KLHL32: variants seen among roughly 807,000 people sequenced by gnomAD.
KLHL32 encodes kelch-like protein 32.
Under a neutral mutation model 64.8 loss-of-function variants are expected in KLHL32, and 35 were observed. The ratio of observed to expected loss-of-function variants is 0.54; its 90% CI spans 0.41 to 0.72. KLHL32 has a LOEUF of 0.72. Ranked by LOEUF, KLHL32 falls within the 30% of genes least tolerant of loss-of-function variation. KLHL32 has a pLI of 0.00. For missense variants in KLHL32, 589 were observed against 768.5 expected, an observed-to-expected ratio of 0.77 and a Z score of 2.76; for synonymous variants, 259 against 281.0, an observed-to-expected ratio of 0.92 and a Z score of 0.78.
chr6:97,059,525 A>G (rs1488189280), intron 4 of KLHL32, among the ~76,000 whole-genome samples: 1 of 152,214 alleles, frequency 6.6e-6, no homozygotes, highest in African/African-American at 2.4e-5. Flanking sequence ...ACTGGAATTC[A>G]TGTGTTTTAT....
intron 4 of KLHL32, among the ~76,000 whole-genome samples, chr6:97,058,770 T>C (rs990329890): frequency 5.9e-5 from 9 of 152,356 alleles, no homozygotes; most frequent in Non-Finnish European, 1.3e-4. Context: ...GGCAGCCAAT[T>C]TGAGACCATG....
the KLHL32 span, among the ~76,000 whole-genome samples, chr6:96,904,811 T>C: frequency 6.6e-6 from 1 of 152,248 alleles, no homozygotes; most frequent in Non-Finnish European, 1.5e-5. Context: ...ACAGATGTGA[T>C]TATGTACAGG....
intron 3 of KLHL32, among the ~76,000 whole-genome samples, chr6:97,037,537 C>CA (rs1324873117): frequency 3.3e-5 from 5 of 151,230 alleles, no homozygotes; most frequent in Non-Finnish European, 5.9e-5. Flanking sequence ...AAGATGATGC[C>CA]AAAAAAAGGG....
At chr6:97,083,914 C>T (rs771608788) in intron 5 of KLHL32, among the ~76,000 whole-genome samples, 3 of 152,262 alleles carry the variant, frequency 2.0e-5, no homozygotes, top group Middle Eastern at 3.4e-3. Flanking sequence ...CATGGTTTAA[C>T]CAAAAGGACA....
chr6:97,041,506 T>A lies in KLHL32; in HGVS notation c.219T>A (p.Leu73=). The A allele has an allele frequency of 6.2e-7, 1 of 1,612,890 alleles. No individual in the cohort carries two copies. Among genetic ancestry groups the A allele is most frequent in the Non-Finnish European group, 8.5e-7 (1 of 1,178,908 alleles). ...CCTCACCTCAGGCAATGTTCAGTCT[T>A]TGTATGGTGGAAAGTGGAGCTGATG... ...CSDYFRAMFS[L]CMVESGADEV... The change falls in exon 4 of 11, where the codon CTT becomes CTA. Residue 73 remains leucine (L), a synonymous_variant. Transcript: ENST00000369261.
intron 5 of KLHL32, among the ~76,000 whole-genome samples, chr6:97,079,809 G>A (rs954875507): frequency 5.9e-5 from 9 of 151,852 alleles, no homozygotes; most frequent in Non-Finnish European, 1.2e-4. Flanking sequence ...CCATAATTCT[G>A]AATAGAAACT....
intron 7 of KLHL32, among the ~76,000 whole-genome samples, chr6:97,123,581 T>G (rs898000144): frequency 6.6e-6 from 1 of 152,168 alleles, no homozygotes; most frequent in African/African-American, 2.4e-5. Context: ...TTACTTTCAC[T>G]GTGGCACTTC....
chr6:97,011,177 G>A (rs558457620), intron 3 of KLHL32, among the ~76,000 whole-genome samples: 1 of 152,168 alleles, frequency 6.6e-6, no homozygotes, highest in Non-Finnish European at 1.5e-5. Context: ...CCAAGTTCAC[G>A]TTAAATTCTA....
chr6:96,916,928 G>A, the KLHL32 span, among the ~76,000 whole-genome samples: 43 of 152,130 alleles, frequency 2.8e-4, no homozygotes, highest in South Asian at 8.7e-3. Context: ...TCAACCTATG[G>A]AAAAATGCAT....
intron 1 of KLHL32, among the ~76,000 whole-genome samples, chr6:96,939,654 T>C (rs1471021514): frequency 6.6e-6 from 1 of 151,960 alleles, no homozygotes; most frequent in Non-Finnish European, 1.5e-5. Context: ...CACAGTGGGG[T>C]GCAGAGAGCC....
At chr6:97,114,948 T>C (rs886155220) in intron 7 of KLHL32, among the ~76,000 whole-genome samples, 7 of 152,222 alleles carry the variant, frequency 4.6e-5, no homozygotes, top group African/African-American at 1.7e-4. Flanking sequence ...GGTATATCAA[T>C]AGGTATATAT....
intron 4 of KLHL32, among the ~76,000 whole-genome samples, chr6:97,050,270 G>A (rs76061775): frequency 0.01 from 1,565 of 152,136 alleles, 20 homozygotes; most frequent in Middle Eastern, 0.024. Context: ...AATAGAATGC[G>A]CAACCCCCCA....
At chr6:97,068,526 A>G (rs1790174506) in intron 5 of KLHL32, among the ~76,000 whole-genome samples, 1 of 152,238 alleles carries the variant, frequency 6.6e-6, no homozygotes, top group African/African-American at 2.4e-5. Context: ...CCTAATCAGT[A>G]AAAAAGTCAT....
intron 4 of KLHL32, among the ~76,000 whole-genome samples, chr6:97,048,253 T>C (rs1285224831): frequency 6.6e-6 from 1 of 152,180 alleles, no homozygotes; most frequent in Non-Finnish European, 1.5e-5. Flanking sequence ...AATTATGTCA[T>C]ATCCGGGCTT....
intron 10 of KLHL32, 137 bp from the exon 11 acceptor site, chr6:97,138,984 A>T: frequency 1.3e-6 from 1 of 761,338 alleles, no homozygotes; most frequent in Non-Finnish European, 2.1e-6. Flanking sequence ...AGTACCATCC[A>T]AGCAAGAAAA....
At chr6:97,082,158 A>G (rs1456108161) in intron 5 of KLHL32, among the ~76,000 whole-genome samples, 1 of 152,222 alleles carries the variant, frequency 6.6e-6, no homozygotes, top group Admixed American at 6.5e-5. Flanking sequence ...GATGATAAGG[A>G]ACAGAACAAG....
chr6:97,060,553 C>G (rs1447659146), intron 4 of KLHL32, among the ~76,000 whole-genome samples: 3 of 152,192 alleles, frequency 2.0e-5, no homozygotes, highest in Non-Finnish European at 4.4e-5. Context: ...AGGTCCCATT[C>G]TCCTCCTCTT....
intron 3 of KLHL32, among the ~76,000 whole-genome samples, chr6:97,019,975 T>C (rs1042392203): frequency 7.1e-6 from 1 of 140,762 alleles, no homozygotes; most frequent in Non-Finnish European, 1.5e-5. Context: ...TGAGACAGAG[T>C]CTTGCTCTGT....
chr6:96,980,908 TG>T (rs1776227029), intron 3 of KLHL32, among the ~76,000 whole-genome samples: 1 of 150,980 alleles, frequency 6.6e-6, no homozygotes, highest in African/African-American at 2.4e-5. Flanking sequence ...TCTACAGGGC[TG>T]GGGAGACCTC....
Sources: gnomAD v4.1 joint callset for allele counts (sites outside exome capture counted in the v4.1 genomes callset) on GRCh38, gnomAD v4.1.1 for gene constraint, MANE v1.5 for transcripts, NCBI Gene and HGNC (gene_info 2026-07-23, HGNC 2026-07-21) for gene names.